The following SIPA1L1 variants were observed in gnomAD, a reference collection of about 807,000 sequenced individuals.
The protein encoded by SIPA1L1 is signal-induced proliferation-associated 1-like protein 1.
SIPA1L1 carries 26 observed loss-of-function variants against 162.7 expected under a neutral mutation model. That is an observed-to-expected ratio of 0.16 (90% CI 0.12 to 0.22). The LOEUF (loss-of-function observed/expected upper bound fraction) is 0.22, where lower values mean the gene tolerates loss of function less well. SIPA1L1 is among the 10% of genes least tolerant of loss of function. The probability of loss-of-function intolerance (pLI) is 1.00; values close to 1 mark genes in which losing one functional copy is unlikely to be tolerated. For missense variants in SIPA1L1, 1,874 were observed against 2,241.0 expected, an observed-to-expected ratio of 0.84 and a Z score of 3.31; for synonymous variants, 829 against 837.4, an observed-to-expected ratio of 0.99 and a Z score of 0.17.
chr14:71,474,997 C>T (rs1368116057), intron 2 of SIPA1L1, among the ~76,000 whole-genome samples: 1 of 152,052 alleles, frequency 6.6e-6, no homozygotes, highest in African/African-American at 2.4e-5. Flanking sequence ...CTTTGCTGGC[C>T]ACTCAGACTA....
At chr14:71,353,878 A>G (rs137957611) in intron 2 of SIPA1L1, among the ~76,000 whole-genome samples, 209 of 152,110 alleles carry the variant, frequency 1.4e-3, no homozygotes, top group Non-Finnish European at 2.5e-3. Flanking sequence ...GAAGATGTGG[A>G]GTAGTGCCAG....
rs746610683 is a variant in SIPA1L1, at chr14:71,709,549, C to G, written c.4093C>G (p.Arg1365Gly). 1 of 1,614,114 alleles carries G rather than the reference C, an allele frequency of 6.2e-7. No homozygotes were observed. Reference protein sequence around the residue: ...TLETESHGLDRKTESSLSLDI... With the variant: ...TLETESHGLDGKTESSLSLDI... ...GGAGACAGAGAGCCACGGCCTGGAC[C>G]GGAAAACAGAGTCTTCCCTGAGCTT... The change falls in exon 17 of 24, where the codon CGG (arginine) becomes GGG (glycine). Residue 1365 changes from arginine to glycine, a missense_variant. Physicochemically the swap from Arg to Gly is moderately radical, Grantham distance 125. Coordinates refer to ENST00000381232, the MANE Select transcript of SIPA1L1 (RefSeq NM_001386936.1).
At chr14:71,615,878 C>T (rs1366979076) in intron 5 of SIPA1L1, among the ~76,000 whole-genome samples, 2 of 152,152 alleles carry the variant, frequency 1.3e-5, no homozygotes, top group African/African-American at 4.8e-5. Context: ...CACCTGTAAT[C>T]CCAGCTACTC....
chr14:71,559,965 C>A (rs1446463073), intron 4 of SIPA1L1, among the ~76,000 whole-genome samples: 2 of 152,002 alleles, frequency 1.3e-5, no homozygotes, highest in Non-Finnish European at 2.9e-5. Context: ...AATTTATGCT[C>A]CATATGTAAG....
chr14:71,705,021 C>T, intron 15 of SIPA1L1: 1 of 611,270 alleles, frequency 1.6e-6, no homozygotes, highest in East Asian at 2.7e-5. Flanking sequence ...GACAAGTTGT[C>T]ACCAGCTGCA....
At chr14:71,718,076 T>TA (rs2083405762) in intron 17 of SIPA1L1, among the ~76,000 whole-genome samples, 1 of 152,222 alleles carries the variant, frequency 6.6e-6, no homozygotes, top group African/African-American at 2.4e-5. Flanking sequence ...GAGTGAGCAG[T>TA]AGGCCTCAGT....
At chr14:71,498,177 C>G (rs1297446710) in intron 2 of SIPA1L1, among the ~76,000 whole-genome samples, 1 of 152,104 alleles carries the variant, frequency 6.6e-6, no homozygotes, top group Non-Finnish European at 1.5e-5. Context: ...CTATGTTAAC[C>G]TTTTCTGAGA....
chr14:71,603,472 CTTTT>C (rs1188808629), intron 5 of SIPA1L1, among the ~76,000 whole-genome samples: 3 of 149,408 alleles, frequency 2.0e-5, no homozygotes, highest in Non-Finnish European at 4.5e-5. Flanking sequence ...TTTTTTCTTT[CTTTT>C]GAGACAGATG....
chr14:71,402,887 A>G (rs954272032), intron 2 of SIPA1L1, among the ~76,000 whole-genome samples: 4 of 152,144 alleles, frequency 2.6e-5, no homozygotes, highest in Non-Finnish European at 5.9e-5. Flanking sequence ...TATTTTTACT[A>G]TTATAATAGT....
chr14:71,668,437 C>T (rs1044679283), intron 10 of SIPA1L1, among the ~76,000 whole-genome samples: 3 of 152,164 alleles, frequency 2.0e-5, no homozygotes, highest in Non-Finnish European at 4.4e-5. Context: ...GCTGCTCAAC[C>T]GGAGGTTCAT....
At chr14:71,537,653 GCTAT>G (rs1230758961) in intron 4 of SIPA1L1, among the ~76,000 whole-genome samples, 10 of 151,994 alleles carry the variant, frequency 6.6e-5, no homozygotes, top group African/African-American at 2.2e-4. Context: ...GGGCGAGTGG[GCTAT>G]CTTTTTTCCC....
At chr14:71,650,624 A>T in intron 8 of SIPA1L1, 115 bp downstream of exon 8, 1 of 962,296 alleles carries the variant, frequency 1.0e-6, no homozygotes, top group Non-Finnish European at 1.6e-6. Flanking sequence ...ACTGCTGGTG[A>T]TGGGGGAGAG....
chr14:71,527,198 G>A lies in SIPA1L1; in HGVS notation c.-361-2114G>A, dbSNP rs1209405852. Among the ~76,000 whole-genome samples, 4 of 152,140 alleles carry A rather than the reference G, an allele frequency of 2.6e-5. No homozygotes were observed. The East Asian group carries it at 5.8e-4, about 22-fold the overall frequency. On this transcript the variant is annotated intron_variant, in intron 3 of 23. Coordinates refer to ENST00000381232, the MANE Select transcript of SIPA1L1 (RefSeq NM_001386936.1). ...TAGGACAGAGTCTTGCTCTGGTTGG[G>A]ATGTGGTGGTGCAATTAGAGCTCAC...
Position 71,371,009 on chromosome 14 carries a change from A to G in SIPA1L1, c.-465+49828A>G, listed in dbSNP as rs777521369. Among the ~76,000 whole-genome samples the G allele has an allele frequency of 5.0e-4, 76 of 152,282 alleles. 1 individual carries two copies. The highest frequency in any genetic ancestry group is 1.6e-3 in the Admixed American group (25 of 15,300). On this transcript the variant is annotated intron_variant, in intron 2 of 23. Coordinates refer to ENST00000381232, the MANE Select transcript of SIPA1L1 (RefSeq NM_001386936.1). ...AGGCAAATACTAAATGAATTTAATA[A>G]TAAGAGTGGTATTTTGGAGTGAAAA...
Position 71,624,064 on chromosome 14 carries a change from G to C in SIPA1L1, c.1646G>C (p.Gly549Ala), listed in dbSNP as rs2039722428. 1 of 1,608,172 alleles carries C rather than the reference G, an allele frequency of 6.2e-7. No individual in the cohort carries two copies. The highest frequency in any genetic ancestry group is 1.7e-5 in the Admixed American group (1 of 59,492). Reference sequence around the variant, plus strand: ...CTCTTGCAGCTCATGACACTGAGAGGTTCGGTCCTGGAGGACGCCATTCCG... The same window carrying C: ...CTCTTGCAGCTCATGACACTGAGAGCTTCGGTCCTGGAGGACGCCATTCCG... ...FRTSELMTLR[G>A]SVLEDAIPST... Residue 549 changes from glycine to alanine, a missense_variant, in exon 7 of 24, where the codon GGT (glycine) becomes GCT (alanine). By Grantham distance (60) the Gly-to-Ala change is moderately conservative. This residue lies in a region of SIPA1L1 where 685 missense variants were observed against 828.0 expected (regional missense o/e 0.83). Coordinates refer to ENST00000381232, the MANE Select transcript of SIPA1L1 (RefSeq NM_001386936.1).
rs200394287 is a variant in SIPA1L1 at position 71,457,080 on chromosome 14, A to G, written c.-464-55663A>G. Reference sequence around the variant, plus strand: ...TACAGTAAATATCTTTTAAATGGAGACTTACTGACACTGTGTAGAATATAT... The same window carrying G: ...TACAGTAAATATCTTTTAAATGGAGGCTTACTGACACTGTGTAGAATATAT... On this transcript the variant is annotated intron_variant, in intron 2 of 23. Coordinates refer to ENST00000381232, the MANE Select transcript of SIPA1L1 (RefSeq NM_001386936.1). Among the ~76,000 whole-genome samples, 13 of 151,368 alleles carry G rather than the reference A, an allele frequency of 8.6e-5. No individual in the cohort carries two copies. The East Asian group carries it at 2.6e-3, about 30-fold the overall frequency.
chr14:71,449,176 C>T (rs1471358250), intron 2 of SIPA1L1, among the ~76,000 whole-genome samples: 1 of 152,178 alleles, frequency 6.6e-6, no homozygotes, highest in Non-Finnish European at 1.5e-5. Context: ...CAGCAAAAGG[C>T]TGCTGCTTTT....
intron 2 of SIPA1L1, among the ~76,000 whole-genome samples, chr14:71,483,888 G>A (rs987334916): frequency 6.6e-6 from 1 of 152,122 alleles, no homozygotes; most frequent in Non-Finnish European, 1.5e-5. Flanking sequence ...CACCGGTAAG[G>A]TTTTACTCCT....
chr14:71,568,121 T>G (rs2031134989), intron 4 of SIPA1L1, among the ~76,000 whole-genome samples: 1 of 152,144 alleles, frequency 6.6e-6, no homozygotes, highest in Non-Finnish European at 1.5e-5. Flanking sequence ...TGTGCTGACC[T>G]CCCATCTCAT....
Sources: allele counts gnomAD v4.1 joint callset (sites outside exome capture counted in the v4.1 genomes callset), GRCh38; gene constraint gnomAD v4.1.1; regional missense constraint gnomAD v4.1.1; transcripts MANE v1.5; gene names NCBI Gene and HGNC (gene_info 2026-07-23, HGNC 2026-07-21).